The following KIF19 variants were observed in gnomAD, a reference collection of about 807,000 sequenced individuals.
KIF19 encodes the protein kinesin-like protein KIF19.
A neutral mutation model predicts 106.6 loss-of-function variants in KIF19; 98 were observed. The ratio of observed to expected loss-of-function variants is 0.92; its 90% CI spans 0.78 to 1.09. The LOEUF is 1.09. Ranked by LOEUF, KIF19 falls within the 50% of genes least tolerant of loss-of-function variation. The probability of loss-of-function intolerance (pLI) is 0.00; values close to 1 mark genes in which losing one functional copy is unlikely to be tolerated. For synonymous variants in KIF19, 516 were observed against 584.2 expected (o/e 0.88, Z 1.68); for missense variants, 1,373 against 1,414.3 (o/e 0.97, Z 0.47).
rs1438904783 is a variant in KIF19 at position 74,346,470 on chromosome 17, G to C, written c.870G>C (p.Lys290Asn). ...LGNCINALSD[K>N]GSNKYINYRD... ...ACTGCATCAACGCCCTGAGCGACAAGGGTAGCAACAAGTACATCAACTATC... is the reference window on the plus strand; with the variant it reads ...ACTGCATCAACGCCCTGAGCGACAACGGTAGCAACAAGTACATCAACTATC... Residue 290 changes from lysine to asparagine, a missense_variant, in exon 8 of 20, where the codon AAG (lysine) becomes AAC (asparagine). Lys to Asn is a moderately conservative substitution (Grantham distance 94). Coordinates refer to ENST00000389916, the MANE Select transcript of KIF19 (RefSeq NM_153209.4). The surrounding 1 kb of genome is among the most constrained non-coding windows in gnomAD (Gnocchi z 4.6). The C allele has an allele frequency of 7.1e-6, 11 of 1,554,416 alleles. No individual in the cohort carries two copies. In the East Asian group the frequency reaches 2.2e-4, roughly 31 times the overall value.
intron 2 of KIF19, among the ~76,000 whole-genome samples, chr17:74,339,002 A>G (rs1175366040): frequency 6.6e-6 from 1 of 151,764 alleles, no homozygotes; most frequent in African/African-American, 2.4e-5. Flanking sequence ...CTCTGCTTCT[A>G]TGGGGCACCC....
intron 1 of KIF19, among the ~76,000 whole-genome samples, chr17:74,328,042 C>T (rs559353237): frequency 3.3e-5 from 5 of 152,238 alleles, no homozygotes; most frequent in Non-Finnish European, 7.3e-5. Flanking sequence ...AGGCCTCATC[C>T]CAGAGCCGTG....
intron 8 of KIF19, among the ~76,000 whole-genome samples, chr17:74,347,510 C>A (rs1333391870): frequency 6.8e-6 from 1 of 147,440 alleles, no homozygotes; most frequent in African/African-American, 2.5e-5. Context: ...GCACTCCAGC[C>A]TGGATGACAG....
Position 74,350,475 on chromosome 17 carries a change from TTCCA to T in KIF19, c.1289_1292del (p.Phe430TrpfsTer244). The T allele has an allele frequency of 6.2e-7, 1 of 1,611,632 alleles. No individual in the cohort carries two copies. The highest frequency in any genetic ancestry group is 8.5e-7 in the Non-Finnish European group (1 of 1,179,520). On this transcript the variant is annotated frameshift_variant, in exon 11 of 20. Transcript: ENST00000389916. LOFTEE classifies it high-confidence loss of function. ...GCTTCGGGAGCAGCTCGCCAGCGCC[TTCCA>T]GGAGCAGATGGATGTGCGGAGGCGC...
At chr17:74,344,711 G>C in intron 6 of KIF19, 50 bp from the exon 7 acceptor site, 1 of 1,559,050 alleles carries the variant, frequency 6.4e-7, no homozygotes, top group Non-Finnish European at 8.7e-7. Flanking sequence ...CCTCTCTGCC[G>C]GAGCACCTAC....
Position 74,347,872 on chromosome 17 carries a change from C to G in KIF19, c.1020C>G (p.Ala340=). Residue 340 remains alanine, a synonymous_variant, in exon 9 of 20, where the codon GCC becomes GCG. Coordinates refer to ENST00000389916, the MANE Select transcript of KIF19 (RefSeq NM_153209.4). ...FEESRNTLTY[A]GRAKNIKTRV... ...AGTCCCGGAACACCCTGACCTACGC[C>G]GGCCGGGCCAAGAACATTAAGACTA... The G allele has an allele frequency of 6.3e-7, 1 of 1,584,006 alleles. No homozygotes were observed. The highest frequency in any genetic ancestry group is 8.6e-7 in the Non-Finnish European group (1 of 1,165,674).
At chr17:74,345,830 G>C (rs2054516524) in intron 7 of KIF19, among the ~76,000 whole-genome samples, 1 of 152,118 alleles carries the variant, frequency 6.6e-6, no homozygotes, top group African/African-American at 2.4e-5. Flanking sequence ...GGCCTGGGAG[G>C]AGAGAGAGTG....
At chr17:74,340,088 G>A (rs2054323990) in intron 2 of KIF19, among the ~76,000 whole-genome samples, 1 of 152,190 alleles carries the variant, frequency 6.6e-6, no homozygotes, top group South Asian at 2.1e-4. Context: ...TCCCAGCGCT[G>A]CAGGTGGATC....
In KIF19 at chr17:74,354,813, C is replaced by T; in HGVS notation, c.2738C>T (p.Pro913Leu). The T allele has an allele frequency of 1.9e-6, 3 of 1,559,988 alleles. No homozygotes were observed. Among genetic ancestry groups the T allele is most frequent in the Middle Eastern group, 1.7e-4 (1 of 6,002 alleles). The change falls in exon 19 of 20, where the codon CCC becomes CTC. Residue 913 changes from proline (P) to leucine (L), a missense_variant. Pro to Leu is a moderately conservative substitution (Grantham distance 98). Around this residue, in one of 3 missense-constraint regions of KIF19, gnomAD observed 1,020 missense variants for 1,008.2 expected, o/e 1.01. Transcript: ENST00000389916. ...CACCCCAAGACACACCTCCTGGGGC[C>T]CCATCAGGCGGAGCGCATCTCGGAC... is the stretch of plus-strand genomic sequence containing the variant. ...LSHPKTHLLG[P>L]HQAERISDHR...
intron 13 of KIF19, 41 bp downstream of exon 13, chr17:74,352,178 G>A (rs763435983): frequency 3.8e-6 from 6 of 1,589,394 alleles, no homozygotes; most frequent in Middle Eastern, 1.7e-4. Flanking sequence ...ACCCGCGGGG[G>A]GGCCGCTGGC....
In KIF19 at chr17:74,326,272, G is replaced by C. The variant is rs1449704637; in HGVS notation, c.-78G>C. The C allele has an allele frequency of 1.4e-6, 2 of 1,396,020 alleles. No homozygotes were observed. The highest frequency in any genetic ancestry group is 1.9e-6 in the Non-Finnish European group (2 of 1,028,102). The allele number at this position is 1,396,020 out of a possible 1,614,324, so 86.5% of individuals were successfully genotyped here. ...GGCGGCGGGCAGCTAGCAGCTGGCG[G>C]ACGCGACCCGGAGGCGGTGGGGGTG... On this transcript the variant is annotated 5_prime_UTR_variant, in exon 1 of 20. Transcript: ENST00000389916.
At chr17:74,339,364 A>G (rs2054295801) in intron 2 of KIF19, among the ~76,000 whole-genome samples, 1 of 151,868 alleles carries the variant, frequency 6.6e-6, no homozygotes, top group Non-Finnish European at 1.5e-5. Context: ...AATCATCGTG[A>G]TGATTCAAAT....
At position 74,354,400 on chromosome 17, in the gene KIF19, CA is replaced by C. The variant is rs755114398; in HGVS notation, c.2548del (p.Thr850ArgfsTer180). On this transcript the variant is annotated frameshift_variant, in exon 18 of 20. Coordinates refer to ENST00000389916, the MANE Select transcript of KIF19 (RefSeq NM_153209.4). LOFTEE classifies it high-confidence loss of function. ...AASEDNLSSS[T>X]GEAPSRAVGH... ...CCAGTGAGGACAACCTGTCCAGCAG[CA>C]CGGGCGAGGCCCCGTCCCGGGCAGT... The C allele has an allele frequency of 1.3e-5, 21 of 1,610,684 alleles. No individual in the cohort carries two copies. Among genetic ancestry groups the C allele is most frequent in the Non-Finnish European group, 1.4e-5 (16 of 1,179,156 alleles).
rs1383304149 is a variant in KIF19, at chr17:74,352,272, C to T, written c.1912C>T (p.Arg638Trp). The T allele has an allele frequency of 8.1e-6, 13 of 1,612,776 alleles. No individual in the cohort carries two copies. The highest frequency in any genetic ancestry group is 1.6e-4 in the Middle Eastern group (1 of 6,078). ...GGAAGAGCTCTACGAAGTGTACCTG[C>T]GGGAGCTGGAGGAGGGCAGCCTGGA... is the stretch of plus-strand genomic sequence containing the variant. ...RLEELYEVYL[R>W]ELEEGSLEQA... Residue 638 changes from arginine to tryptophan, a missense_variant, in exon 14 of 20, where the codon CGG becomes TGG. By Grantham distance (101) the Arg-to-Trp change is moderately radical. Coordinates refer to ENST00000389916, the MANE Select transcript of KIF19 (RefSeq NM_153209.4).
chr17:74,351,995 CGAG>C lies in KIF19; in HGVS notation c.1718_1720del (p.Glu573del). The C allele has an allele frequency of 6.5e-7, 1 of 1,543,740 alleles. No individual in the cohort carries two copies. Among genetic ancestry groups the C allele is most frequent in the Non-Finnish European group, 8.7e-7 (1 of 1,153,086 alleles). ...GCCTGCTGTGCCGCGTGCACGAGCT[CGAG>C]GTGGAGAACACCGAGATGCAGTCGC... is the stretch of plus-strand genomic sequence containing the variant. On this transcript the variant is annotated inframe_deletion, in exon 13 of 20. Transcript: ENST00000389916.
chr17:74,326,632 A>C (rs1598361649), intron 1 of KIF19, among the ~76,000 whole-genome samples: 1 of 147,822 alleles, frequency 6.8e-6, no homozygotes, highest in Non-Finnish European at 1.5e-5. Flanking sequence ...CCACCTTTCC[A>C]CCCTCCCATT....
chr17:74,350,362 G>T, intron 10 of KIF19, 39 bp from the exon 11 acceptor site: 1 of 1,531,948 alleles, frequency 6.5e-7, no homozygotes, highest in South Asian at 1.2e-5. Flanking sequence ...AGCTGAACTT[G>T]CCGCCTCCTC....
Position 74,352,033 on chromosome 17 carries a change from TCC to T in KIF19, c.1755_1756del (p.Asp587ArgfsTer92). 6.4e-7 allele frequency: 1 copy of T among 1,566,648 alleles called. No individual in the cohort carries two copies. Among genetic ancestry groups the T allele is most frequent in the Non-Finnish European group, 8.6e-7 (1 of 1,164,252 alleles). On this transcript the variant is annotated frameshift_variant, in exon 13 of 20. Coordinates refer to ENST00000389916, the MANE Select transcript of KIF19 (RefSeq NM_153209.4). LOFTEE classifies it high-confidence loss of function. Reference sequence around the variant, plus strand: ...ACCGAGATGCAGTCGCACGCGCTGCTCCGCGACGGTGCGCTCCGCCACCGCCA... The same window carrying T: ...ACCGAGATGCAGTCGCACGCGCTGCTGCGACGGTGCGCTCCGCCACCGCCA...
intron 1 of KIF19, 85 bp downstream of exon 1, chr17:74,326,473 C>T (rs1398931579): frequency 1.5e-5 from 20 of 1,323,002 alleles, no homozygotes; most frequent in East Asian, 2.4e-5. Flanking sequence ...GTCCCCTCGC[C>T]GCCACCCCAC....
Sources: gnomAD v4.1 joint callset for allele counts (sites outside exome capture counted in the v4.1 genomes callset) on GRCh38, gnomAD v4.1.1 for gene constraint, gnomAD v4.1.1 regional missense constraint, Gnocchi (gnomAD v3.1) non-coding constraint, MANE v1.5 for transcripts, NCBI Gene and HGNC (gene_info 2026-07-23, HGNC 2026-07-21) for gene names.